The following GPD1L variants were observed in gnomAD, a reference collection of about 807,000 sequenced individuals.
The protein encoded by GPD1L is glycerol-3-phosphate dehydrogenase 1-like protein.
GPD1L carries 17 observed loss-of-function variants against 32.9 expected under a neutral mutation model. That is an observed-to-expected ratio of 0.52 (90% CI 0.35 to 0.78). The LOEUF (loss-of-function observed/expected upper bound fraction) is 0.78, where lower values mean the gene tolerates loss of function less well. Ranked by LOEUF, GPD1L falls within the 30% of genes least tolerant of loss-of-function variation. The pLI is 0.01. For missense variants in GPD1L, 361 were observed against 447.8 expected (o/e 0.81, Z 1.75); for synonymous variants, 187 against 165.9 (o/e 1.13, Z -0.98).
At chr3:32,153,362 G>A (rs773351994) in intron 5 of GPD1L, among the ~76,000 whole-genome samples, 5 of 152,130 alleles carry the variant, frequency 3.3e-5, no homozygotes, top group African/African-American at 9.7e-5. Flanking sequence ...ATTCCATTTC[G>A]GAGTCACAGT....
At chr3:32,163,312 G>A (rs1328952591) in intron 7 of GPD1L, among the ~76,000 whole-genome samples, 1 of 151,818 alleles carries the variant, frequency 6.6e-6, no homozygotes, top group East Asian at 1.9e-4. Context: ...GGGACTACAG[G>A]CGCCCGCCAC....
At chr3:32,111,246 A>T (rs1425586815) in intron 1 of GPD1L, among the ~76,000 whole-genome samples, 1 of 152,234 alleles carries the variant, frequency 6.6e-6, no homozygotes, top group Non-Finnish European at 1.5e-5. Flanking sequence ...TTAAAACCTC[A>T]GGGCTGTATT....
intron 4 of GPD1L, among the ~76,000 whole-genome samples, chr3:32,140,886 T>A (rs909618622): frequency 6.6e-6 from 1 of 152,220 alleles, no homozygotes; most frequent in African/African-American, 2.4e-5. Flanking sequence ...AGTCTTCTGT[T>A]TCCTGAACTA....
chr3:32,107,068 GT>G (rs1700175134), intron 1 of GPD1L, among the ~76,000 whole-genome samples: 1 of 152,214 alleles, frequency 6.6e-6, no homozygotes, highest in Non-Finnish European at 1.5e-5. Flanking sequence ...ACGCCTGGGT[GT>G]TTTGCACAAT....
intron 5 of GPD1L, among the ~76,000 whole-genome samples, chr3:32,147,227 G>A (rs1224575944): frequency 6.6e-6 from 1 of 152,182 alleles, no homozygotes; most frequent in Non-Finnish European, 1.5e-5. Context: ...GAGAGAAGAT[G>A]TGATTAAAGA....
At chr3:32,113,285 T>G (rs1456644333) in intron 1 of GPD1L, among the ~76,000 whole-genome samples, 1 of 152,160 alleles carries the variant, frequency 6.6e-6, no homozygotes, top group Non-Finnish European at 1.5e-5. Context: ...AAGAAAAATC[T>G]TAGGAAAATC....
chr3:32,143,015 G>GA (rs879381885), intron 4 of GPD1L, among the ~76,000 whole-genome samples: 1 of 145,912 alleles, frequency 6.9e-6, no homozygotes, highest in Admixed American at 6.8e-5. Context: ...TTCCAAAAAA[G>GA]AAAAAAAAAA....
chr3:32,159,786 A>C lies in GPD1L; in HGVS notation c.959+112A>C, dbSNP rs542638223. On this transcript the variant is annotated intron_variant, in intron 7 of 7. Coordinates refer to ENST00000282541, the MANE Select transcript of GPD1L (RefSeq NM_015141.4). ...TATTTGACAAGTGCCCTTAGAACTT[A>C]TCTGGATTAGTTCAGTCCTTTGTGT... 5.4e-6 allele frequency: 4 copies of C among 741,382 alleles called. No individual in the cohort carries two copies. The Admixed American group carries it at 7.9e-5, about 15-fold the overall frequency. The allele number at this position is 741,382 out of a possible 1,614,324, so 45.9% of individuals were successfully genotyped here.
chr3:32,144,174 T>A (rs958446458), intron 4 of GPD1L, among the ~76,000 whole-genome samples: 1 of 152,224 alleles, frequency 6.6e-6, no homozygotes, highest in Non-Finnish European at 1.5e-5. Flanking sequence ...AGACATCCTT[T>A]GTTGATGCAT....
chr3:32,148,219 G>A (rs758558783), intron 5 of GPD1L, among the ~76,000 whole-genome samples: 62 of 152,228 alleles, frequency 4.1e-4, no homozygotes, highest in Non-Finnish European at 6.5e-4. Context: ...TGGTCATGGA[G>A]AAGCTGTGAA....
chr3:32,133,166 C>T (rs550747040), intron 2 of GPD1L, among the ~76,000 whole-genome samples: 2 of 152,308 alleles, frequency 1.3e-5, no homozygotes, highest in African/African-American at 4.8e-5. Flanking sequence ...CCACGATGCT[C>T]CGTGCAGCCA....
intron 4 of GPD1L, among the ~76,000 whole-genome samples, chr3:32,140,824 A>G (rs564868579): frequency 2.6e-5 from 4 of 152,346 alleles, no homozygotes; most frequent in African/African-American, 9.6e-5. Flanking sequence ...CTCAGAGAAT[A>G]AATTACCTGC....
chr3:32,141,329 A>G (rs1440666090), intron 4 of GPD1L, among the ~76,000 whole-genome samples: 1 of 152,176 alleles, frequency 6.6e-6, no homozygotes, highest in Non-Finnish European at 1.5e-5. Context: ...ATTATGGAAG[A>G]TAGAGATAAT....
chr3:32,122,661 CG>C (rs1575109666), intron 1 of GPD1L, among the ~76,000 whole-genome samples: 1 of 152,112 alleles, frequency 6.6e-6, no homozygotes, highest in Non-Finnish European at 1.5e-5. Flanking sequence ...ACCTTTGCTC[CG>C]GGGGCCTTCC....
In GPD1L at chr3:32,140,224, G is replaced by A. The variant is rs1700721746; in HGVS notation, c.367-4G>A. 4.3e-6 allele frequency: 7 copies of A among 1,613,950 alleles called. No homozygotes were observed. Among genetic ancestry groups the A allele is most frequent in the East Asian group, 2.2e-5 (1 of 44,876 alleles). ...TCTCTCCTAACTTCTTGGCATCCTT[G>A]TAGGGCATAGACGAGGGCCCCGAGG... On this transcript the variant is annotated splice_polypyrimidine_tract_variant and splice_region_variant and intron_variant, in intron 3 of 7. Coordinates refer to ENST00000282541, the MANE Select transcript of GPD1L (RefSeq NM_015141.4).
chr3:32,136,414 T>G (rs1020905507), intron 2 of GPD1L, among the ~76,000 whole-genome samples: 4 of 152,160 alleles, frequency 2.6e-5, no homozygotes, highest in Admixed American at 1.3e-4. Context: ...ACCCCTGAAA[T>G]GGGGTAGGGG....
In GPD1L at chr3:32,167,671, C is replaced by T. The variant is rs1701166636; in HGVS notation, c.*1761C>T. 1 of 152,616 alleles carries T rather than the reference C, an allele frequency of 6.6e-6. No individual in the cohort carries two copies. The highest frequency in any genetic ancestry group is 2.4e-5 in the African/African-American group (1 of 41,440). 9.5% of individuals were successfully genotyped at this position (152,616 alleles called of 1,614,324 possible). A position where few individuals can be genotyped will look rare whatever the true frequency, so the allele number is the denominator to read the frequency against. On this transcript the variant is annotated 3_prime_UTR_variant, in exon 8 of 8. Coordinates refer to ENST00000282541, the MANE Select transcript of GPD1L (RefSeq NM_015141.4). ...TAGCACTTGATACGTGTTAAATGAA[C>T]ATATGAATGTAATTTATATATTCCT...
chr3:32,151,152 G>C, intron 5 of GPD1L: 1 of 551,232 alleles, frequency 1.8e-6, no homozygotes, highest in South Asian at 1.6e-5. Flanking sequence ...CACAAAGTGC[G>C]CTTCTCTGGG....
Position 32,121,767 on chromosome 3 carries a change from C to CTA in GPD1L, c.48-6295_48-6294dup, listed in dbSNP as rs201955629. ...TATATATTTCTATATATATATATTTCTATATATATATATATTTTTTTTAGG... is the reference window on the plus strand; with the variant it reads ...TATATATTTCTATATATATATATTTCTATATATATATATATATTTTTTTTAGG... On this transcript the variant is annotated intron_variant, in intron 1 of 7. Transcript: ENST00000282541. Among the ~76,000 whole-genome samples, 29 of 131,508 alleles carry CTA rather than the reference C, an allele frequency of 2.2e-4. No homozygotes were observed. In the East Asian group the frequency reaches 2.9e-3, roughly 13 times the overall value. The allele number at this position is 131,508 out of a possible 152,430, so 86.3% of individuals were successfully genotyped here.
Sources: allele counts gnomAD v4.1 joint callset (sites outside exome capture counted in the v4.1 genomes callset), GRCh38; gene constraint gnomAD v4.1.1; transcripts MANE v1.5; gene names NCBI Gene and HGNC (gene_info 2026-07-23, HGNC 2026-07-21).